LMBRD2: variants seen among roughly 807,000 people sequenced by gnomAD.
LMBRD2 encodes LMBR1 domain containing 2, also known as G protein-coupled receptor-associated protein LMBRD2.
A neutral mutation model predicts 94.4 loss-of-function variants in LMBRD2; 55 were observed. The ratio of observed to expected loss-of-function variants is 0.58; its 90% CI spans 0.47 to 0.73. The LOEUF is 0.73. LMBRD2 is among the 30% of genes least tolerant of loss of function. The pLI is 0.00. For synonymous variants in LMBRD2, 246 were observed against 272.4 expected, an observed-to-expected ratio of 0.90 and a Z score of 0.95; for missense variants, 640 against 831.9, an observed-to-expected ratio of 0.77 and a Z score of 2.84.
At position 36,111,204 on chromosome 5, in the gene LMBRD2, A is replaced by G. The variant is rs1185955307; in HGVS notation, c.1695T>C (p.Asp565=). 6.2e-7 allele frequency: 1 copy of G among 1,612,116 alleles called. No individual in the cohort carries two copies. The highest frequency in any genetic ancestry group is 8.5e-7 in the Non-Finnish European group (1 of 1,178,818). Reference sequence around the variant, plus strand: ...CATTAACTAAGTCTGATGTCATATCATCATCTCCCATAAACTGCTGGAAAC... The same window carrying G: ...CATTAACTAAGTCTGATGTCATATCGTCATCTCCCATAAACTGCTGGAAAC... The part of the protein sequence containing the change: ...LLGFQQFMGD[D]DMTSDLVNEG... Residue 565 remains aspartate, a synonymous_variant, in exon 14 of 18, where the codon GAT becomes GAC. Transcript: ENST00000296603.
At chr5:36,127,325 T>G (rs568263931) in intron 6 of LMBRD2, among the ~76,000 whole-genome samples, 1 of 152,196 alleles carries the variant, frequency 6.6e-6, no homozygotes, top group Non-Finnish European at 1.5e-5. Flanking sequence ...GCAAGATGGC[T>G]GAACAGAAGT....
chr5:36,103,955 G>A lies in LMBRD2; in HGVS notation c.*91C>T. On this transcript the variant is annotated 3_prime_UTR_variant, in exon 18 of 18. Coordinates refer to ENST00000296603, the MANE Select transcript of LMBRD2 (RefSeq NM_001007527.2). ...TTGTTATCTTGACACTTTTCACTGT[G>A]TATAGAGGAAATTCTAGGGTACACA... 4.6e-6 allele frequency: 4 copies of A among 866,844 alleles called. No individual in the cohort carries two copies. Among genetic ancestry groups the A allele is most frequent in the South Asian group, 1.5e-5 (1 of 68,936 alleles). The allele number at this position is 866,844 out of a possible 1,614,324, so 53.7% of individuals were successfully genotyped here. A position where few individuals can be genotyped will look rare whatever the true frequency, so the allele number is the denominator to read the frequency against.
Position 36,099,647 on chromosome 5 carries a change from CT to C in LMBRD2, c.*4398del, listed in dbSNP as rs1743307259. On this transcript the variant is annotated 3_prime_UTR_variant, in exon 18 of 18. Transcript: ENST00000296603. ...CATATGTCTGCAATAGTAAATCATT[CT>C]TTCTACTCTTTTGAACTAAGTACAG... 1 of 152,062 alleles carries C rather than the reference CT, an allele frequency of 6.6e-6. No homozygotes were observed. The highest frequency in any genetic ancestry group is 2.1e-4 in the South Asian group (1 of 4,828). 9.4% of individuals were successfully genotyped at this position (152,062 alleles called of 1,614,324 possible). A position where few individuals can be genotyped will look rare whatever the true frequency, so the allele number is the denominator to read the frequency against.
Position 36,141,327 on chromosome 5 carries a change from A to G in LMBRD2, c.273-125T>C, listed in dbSNP as rs114172774. ...TAAATTACTGACTCTAATAATCAATAACCCATAAAATTTCAAAGAAATTTT... is the reference window on the plus strand; with the variant it reads ...TAAATTACTGACTCTAATAATCAATGACCCATAAAATTTCAAAGAAATTTT... On this transcript the variant is annotated intron_variant, in intron 3 of 17. Coordinates refer to ENST00000296603, the MANE Select transcript of LMBRD2 (RefSeq NM_001007527.2). The G allele has an allele frequency of 2.4e-3, 1,181 of 496,618 alleles. 9 individuals are homozygous for G. The highest frequency in any genetic ancestry group is 0.02 in the African/African-American group (1,010 of 49,982). 30.8% of individuals were successfully genotyped at this position (496,618 alleles called of 1,614,324 possible). A position where few individuals can be genotyped will look rare whatever the true frequency, so the allele number is the denominator to read the frequency against.
rs778796446 is a variant in LMBRD2, at chr5:36,143,257, A to T, written c.93T>A (p.His31Gln). The T allele has an allele frequency of 6.2e-7, 1 of 1,612,542 alleles. No homozygotes were observed. Among genetic ancestry groups the T allele is most frequent in the Non-Finnish European group, 8.5e-7 (1 of 1,178,616 alleles). ...GCAGTGTTCCAATAATCACAAGTCTATGCTGTTTCTTAAAGTCTCCATATC... is the reference window on the plus strand; with the variant it reads ...GCAGTGTTCCAATAATCACAAGTCTTTGCTGTTTCTTAAAGTCTCCATATC... ...LHRYGDFKKQ[H>Q]RLVIIGTLLA... The change falls in exon 2 of 18, where the codon CAT (histidine) becomes CAA (glutamine). Residue 31 changes from histidine (H) to glutamine (Q), a missense_variant. His to Gln is a conservative substitution (Grantham distance 24). Coordinates refer to ENST00000296603, the MANE Select transcript of LMBRD2 (RefSeq NM_001007527.2).
chr5:36,107,237 C>CAACA (rs1743494470), intron 16 of LMBRD2, among the ~76,000 whole-genome samples: 1 of 152,174 alleles, frequency 6.6e-6, no homozygotes, highest in African/African-American at 2.4e-5. Flanking sequence ...TCCCCCCTAT[C>CAACA]TGTTCATGCA....
intron 12 of LMBRD2, 135 bp downstream of exon 12, chr5:36,114,880 C>T (rs76261439): frequency 7.2e-5 from 47 of 650,560 alleles, no homozygotes; most frequent in South Asian, 2.0e-4. Context: ...AATAGTAATA[C>T]GTATACAATC....
intron 13 of LMBRD2, 87 bp downstream of exon 13, chr5:36,114,337 C>CTCAA: frequency 1.4e-6 from 2 of 1,436,034 alleles, no homozygotes; most frequent in Non-Finnish European, 1.8e-6. Flanking sequence ...CAAACTGAAA[C>CTCAA]TCAATCAGTA....
At chr5:36,106,786 G>A (rs1051021762) in intron 16 of LMBRD2, among the ~76,000 whole-genome samples, 10 of 151,930 alleles carry the variant, frequency 6.6e-5, no homozygotes, top group South Asian at 2.1e-4. Flanking sequence ...AAGCCACCGC[G>A]CCTGGCCCCA....
chr5:36,123,100 G>A (rs1743926835), intron 7 of LMBRD2, 139 bp from the exon 8 acceptor site: 1 of 856,576 alleles, frequency 1.2e-6, no homozygotes, highest in Non-Finnish European at 1.6e-6. Context: ...TCTCTAGTTA[G>A]ACTTCATTTG....
At chr5:36,139,555 C>A (rs1744353320) in intron 4 of LMBRD2, among the ~76,000 whole-genome samples, 1 of 152,164 alleles carries the variant, frequency 6.6e-6, no homozygotes, top group South Asian at 2.1e-4. Flanking sequence ...GTGCTTTATC[C>A]AGGTCTGCCT....
intron 4 of LMBRD2, chr5:36,140,901 TTA>T (rs1406519566): frequency 1.0e-5 from 4 of 381,742 alleles, no homozygotes; most frequent in Non-Finnish European, 1.9e-5. Flanking sequence ...GCCTCCAGTT[TTA>T]GAGTGCAGTT....
intron 4 of LMBRD2, among the ~76,000 whole-genome samples, chr5:36,138,911 A>T (rs1199676477): frequency 6.6e-6 from 1 of 152,254 alleles, no homozygotes; most frequent in Non-Finnish European, 1.5e-5. Context: ...AAGTGATGGC[A>T]GCAGCAGCTT....
chr5:36,140,407 A>G (rs1194383707), intron 4 of LMBRD2, among the ~76,000 whole-genome samples: 1 of 152,220 alleles, frequency 6.6e-6, no homozygotes, highest in Non-Finnish European at 1.5e-5. Flanking sequence ...TAAGCGGAAT[A>G]AGCCCAGCGG....
At position 36,116,491 on chromosome 5, in the gene LMBRD2, T is replaced by G. The variant is rs1743746925; in HGVS notation, c.1405A>C (p.Thr469Pro). 6.2e-7 allele frequency: 1 copy of G among 1,613,146 alleles called. No individual in the cohort carries two copies. Among genetic ancestry groups the G allele is most frequent in the Non-Finnish European group, 8.5e-7 (1 of 1,179,392 alleles). ...NYYYLASHHQTDAYSLLFSGM... is the reference protein window; with the variant it reads ...NYYYLASHHQPDAYSLLFSGM... ...CTGAAAAGAAGGCTATAAGCATCAGTCTGGTGATGTGAGGCCAAATAATAA... is the reference window on the plus strand; with the variant it reads ...CTGAAAAGAAGGCTATAAGCATCAGGCTGGTGATGTGAGGCCAAATAATAA... Residue 469 changes from threonine to proline, a missense_variant, in exon 11 of 18, where the codon ACT becomes CCT. Coordinates refer to ENST00000296603, the MANE Select transcript of LMBRD2 (RefSeq NM_001007527.2).
chr5:36,114,665 A>G (rs371518155), intron 12 of LMBRD2, 144 bp from the exon 13 acceptor site: 4 of 1,041,224 alleles, frequency 3.8e-6, no homozygotes. Flanking sequence ...AAATGGACTT[A>G]TTTTTTAAAA....
At chr5:36,119,782 T>C (rs1243522218) in intron 9 of LMBRD2, among the ~76,000 whole-genome samples, 2 of 152,098 alleles carry the variant, frequency 1.3e-5, no homozygotes, top group Non-Finnish European at 2.9e-5. Flanking sequence ...TCCTCTCCTA[T>C]ACTTACTCTC....
chr5:36,113,882 T>A (rs1743674784), intron 13 of LMBRD2, among the ~76,000 whole-genome samples: 1 of 152,180 alleles, frequency 6.6e-6, no homozygotes, highest in South Asian at 2.1e-4. Flanking sequence ...GATTCTACCA[T>A]TCATTCTAAT....
intron 6 of LMBRD2, among the ~76,000 whole-genome samples, chr5:36,130,768 C>A (rs926171591): frequency 1.3e-5 from 2 of 152,080 alleles, no homozygotes; most frequent in African/African-American, 2.4e-5. Context: ...TAGACACATA[C>A]AACCTACCAA....
Sources: allele counts gnomAD v4.1 joint callset (sites outside exome capture counted in the v4.1 genomes callset), GRCh38; gene constraint gnomAD v4.1.1; transcripts MANE v1.5; gene names NCBI Gene and HGNC (gene_info 2026-07-23, HGNC 2026-07-21).